The following FMN1 variants were observed in gnomAD, a reference collection of about 807,000 sequenced individuals.
FMN1 encodes the protein formin-1.
Under a neutral mutation model 132.4 loss-of-function variants are expected in FMN1, and 110 were observed. The observed-to-expected ratio is 0.83, with a 90% CI of 0.71 to 0.97. The LOEUF (loss-of-function observed/expected upper bound fraction) is 0.97. Among genes scored for constraint, FMN1 ranks in the 50% least tolerant of loss-of-function variants. The probability of loss-of-function intolerance (pLI) is 0.00; values close to 1 mark genes in which losing one functional copy is unlikely to be tolerated. For missense variants in FMN1, 1,792 were observed against 1,705.3 expected, an observed-to-expected ratio of 1.05 and a Z score of -0.90; for synonymous variants, 722 against 651.7, an observed-to-expected ratio of 1.11 and a Z score of -1.64.
intron 9 of FMN1, among the ~76,000 whole-genome samples, chr15:32,943,805 T>C (rs572708720): frequency 4.6e-5 from 7 of 152,236 alleles, no homozygotes; most frequent in Non-Finnish European, 1.0e-4. Flanking sequence ...TATTCTCATT[T>C]AACTGCCATC....
chr15:33,086,932 T>C (rs2038718718), intron 5 of FMN1, among the ~76,000 whole-genome samples: 1 of 152,242 alleles, frequency 6.6e-6, no homozygotes. Context: ...GCTCTTTGAT[T>C]GCCACCCATG....
chr15:33,025,047 A>G (rs576934891), intron 6 of FMN1, among the ~76,000 whole-genome samples: 92 of 152,304 alleles, frequency 6.0e-4, no homozygotes, highest in African/African-American at 2.1e-3. Flanking sequence ...TTTATACATT[A>G]TTGTTATAAG....
At chr15:32,889,436 G>A (rs1194662467) in intron 15 of FMN1, among the ~76,000 whole-genome samples, 1 of 152,028 alleles carries the variant, frequency 6.6e-6, no homozygotes, top group African/African-American at 2.4e-5. Flanking sequence ...CTGCCATTAG[G>A]ACTAATTCCA....
intron 17 of FMN1, among the ~76,000 whole-genome samples, chr15:32,822,177 C>T (rs1158010677): frequency 1.3e-5 from 2 of 151,986 alleles, no homozygotes; most frequent in African/African-American, 2.4e-5. Flanking sequence ...GGTGAAACCC[C>T]GCCTCTACTA....
chr15:33,160,220 T>C (rs1026473631), intron 3 of FMN1, among the ~76,000 whole-genome samples: 1 of 152,108 alleles, frequency 6.6e-6, no homozygotes, highest in Non-Finnish European at 1.5e-5. Context: ...TCCCAGGGCC[T>C]AGGCTGGCCA....
intron 17 of FMN1, among the ~76,000 whole-genome samples, chr15:32,831,532 T>TG (rs2058501143): frequency 1.3e-5 from 2 of 152,100 alleles, no homozygotes; most frequent in Non-Finnish European, 1.5e-5. Context: ...GAGCCAGGGC[T>TG]TTGCAGAGGC....
At chr15:33,125,205 A>C (rs1014516551) in intron 4 of FMN1, among the ~76,000 whole-genome samples, 1 of 151,642 alleles carries the variant, frequency 6.6e-6, no homozygotes, top group Non-Finnish European at 1.5e-5. Flanking sequence ...TCAGCTTAAG[A>C]AGGTCACCTA....
chr15:33,052,981 T>A (rs1309422012), intron 6 of FMN1, among the ~76,000 whole-genome samples: 1 of 34,594 alleles, frequency 2.9e-5, no homozygotes, highest in African/African-American at 1.3e-4. Context: ...CACCTGACTG[T>A]GGGGGTGTGG....
intron 18 of FMN1, among the ~76,000 whole-genome samples, chr15:32,801,665 G>C (rs1258551736): frequency 6.6e-6 from 1 of 152,158 alleles, no homozygotes; most frequent in Non-Finnish European, 1.5e-5. Flanking sequence ...CGTGGTGGTA[G>C]GCACCTGCAG....
intron 16 of FMN1, among the ~76,000 whole-genome samples, chr15:32,865,386 A>G (rs1271739843): frequency 6.6e-6 from 1 of 152,234 alleles, no homozygotes; most frequent in East Asian, 1.9e-4. Context: ...TAAGGTAAAT[A>G]ATTTTAAAAA....
chr15:33,045,529 G>A (rs1194910701), intron 6 of FMN1, among the ~76,000 whole-genome samples: 2 of 152,142 alleles, frequency 1.3e-5, no homozygotes, highest in Non-Finnish European at 2.9e-5. Flanking sequence ...GTTGCCTCTT[G>A]GATTTCAGAG....
At chr15:33,174,211 C>A (rs115793624) in intron 3 of FMN1, among the ~76,000 whole-genome samples, 2,011 of 152,138 alleles carry the variant, frequency 0.013, 52 homozygotes, top group African/African-American at 0.046. Flanking sequence ...AAAAGAAAAG[C>A]AAAAACATCC....
chr15:33,140,988 A>AT (rs1963987687), intron 4 of FMN1, among the ~76,000 whole-genome samples: 1 of 151,960 alleles, frequency 6.6e-6, no homozygotes. Context: ...TCCTTTGCTC[A>AT]TTTTTTTCCT....
chr15:32,798,970 G>A lies in FMN1; in HGVS notation c.3981-17C>T, dbSNP rs1236621687. ...GTTTCAAAACTGCAACAGGTAGGGG[G>A]GAAAATGGAATGAGGTAGAGGTGAG... On this transcript the variant is annotated splice_polypyrimidine_tract_variant and intron_variant, in intron 18 of 20. Transcript: ENST00000616417. The A allele has an allele frequency of 1.9e-6, 3 of 1,611,200 alleles. No homozygotes were observed. The highest frequency in any genetic ancestry group is 1.7e-5 in the Admixed American group (1 of 59,654).
intron 9 of FMN1, among the ~76,000 whole-genome samples, chr15:32,962,493 G>A (rs1335665204): frequency 2.0e-5 from 3 of 151,534 alleles, no homozygotes; most frequent in Non-Finnish European, 2.9e-5. Context: ...TTGACAAATG[G>A]GATCTAATTA....
intron 4 of FMN1, among the ~76,000 whole-genome samples, chr15:33,138,817 G>A (rs527324571): frequency 5.3e-5 from 8 of 152,266 alleles, no homozygotes; most frequent in Admixed American, 4.6e-4. Context: ...AAGGGTTCAG[G>A]GCAGAGGCTA....
chr15:33,080,754 G>T (rs759778830), intron 5 of FMN1, among the ~76,000 whole-genome samples: 3 of 152,184 alleles, frequency 2.0e-5, no homozygotes, highest in Non-Finnish European at 4.4e-5. Context: ...GGGCATGGTG[G>T]CGCATGCCTG....
At chr15:33,075,005 A>C (rs1283729647) in intron 5 of FMN1, among the ~76,000 whole-genome samples, 1 of 134,708 alleles carries the variant, frequency 7.4e-6, no homozygotes, top group Non-Finnish European at 1.5e-5. Flanking sequence ...TGGGCAACTG[A>C]GCAAGATTCC....
chr15:32,894,644 A>G (rs1292983293), intron 15 of FMN1, among the ~76,000 whole-genome samples: 4 of 152,134 alleles, frequency 2.6e-5, no homozygotes, highest in Admixed American at 2.6e-4. Flanking sequence ...GCCTTCCTTC[A>G]AAGATCAGGA....
Sources: allele counts gnomAD v4.1 joint callset (sites outside exome capture counted in the v4.1 genomes callset), GRCh38; gene constraint gnomAD v4.1.1; transcripts MANE v1.5; gene names NCBI Gene and HGNC (gene_info 2026-07-23, HGNC 2026-07-21).